Variants in HDAC9 observed in about 807,000 individuals in gnomAD.
The protein encoded by HDAC9 is MEF-2 interacting transcription repressor (MITR) protein.
HDAC9 carries 41 observed loss-of-function variants against 139.4 expected under a neutral mutation model. That is an observed-to-expected ratio of 0.29 (90% CI 0.23 to 0.38). HDAC9 has a LOEUF of 0.38. HDAC9 is among the 10% of genes least tolerant of loss of function. The pLI, the probability that HDAC9 is intolerant of heterozygous loss-of-function variation, is 1.00. For synonymous variants in HDAC9, 517 were observed against 476.2 expected (o/e 1.09, Z -1.12); for missense variants, 1,147 against 1,297.0 (o/e 0.88, Z 1.78).
At chr7:18,630,077 A>AG (rs1336282423) in intron 7 of HDAC9, among the ~76,000 whole-genome samples, 24 of 152,000 alleles carry the variant, frequency 1.6e-4, no homozygotes, top group Non-Finnish European at 1.3e-4. Context: ...TGCCTGTTTT[A>AG]GTAGAGGGGT....
chr7:18,696,720 G>A (rs143330746), intron 12 of HDAC9, among the ~76,000 whole-genome samples: 714 of 152,064 alleles, frequency 4.7e-3, no homozygotes, highest in African/African-American at 0.016. Context: ...AGCCCACCTC[G>A]GCCTCCCAAA....
Position 18,998,500 on chromosome 7 carries a change from C to T in HDAC9, c.*2438C>T, listed in dbSNP as rs978344875. The T allele has an allele frequency of 1.3e-5, 2 of 152,144 alleles. No individual in the cohort carries two copies. The highest frequency in any genetic ancestry group is 4.8e-5 in the African/African-American group (2 of 41,410). 9.4% of individuals were successfully genotyped at this position (152,144 alleles called of 1,614,324 possible). A position where few individuals can be genotyped will look rare whatever the true frequency, so the allele number is the denominator to read the frequency against. On this transcript the variant is annotated 3_prime_UTR_variant, in exon 26 of 26. Coordinates refer to ENST00000686413, the MANE Select transcript of HDAC9 (RefSeq NM_178425.4). Reference sequence around the variant, plus strand: ...CAAATGAACTGTGGAGAGGATTATCCACAGCATGTAGTTGTAAGAACAGAA... The same window carrying T: ...CAAATGAACTGTGGAGAGGATTATCTACAGCATGTAGTTGTAAGAACAGAA...
At position 18,593,978 on chromosome 7, in the gene HDAC9, A is replaced by C. The variant is rs765950614; in HGVS notation, c.613A>C (p.Thr205Pro). The C allele has an allele frequency of 6.2e-7, 1 of 1,612,860 alleles. No individual in the cohort carries two copies. The highest frequency in any genetic ancestry group is 1.1e-5 in the South Asian group (1 of 91,056). Residue 205 changes from threonine (T) to proline (P), a missense_variant, in exon 6 of 26, where the codon ACA becomes CCA. Thr to Pro is a conservative substitution (Grantham distance 38, BLOSUM62 -1). Coordinates refer to ENST00000686413, the MANE Select transcript of HDAC9 (RefSeq NM_178425.4). ...TGGAACATCTCCATCCTACAAGTAC[A>C]CATTACCAGGAGCACAAGATGCAAA... ...LSGTSPSYKY[T>P]LPGAQDAKDD...
chr7:18,330,417 T>A (rs1234776488), intron 1 of HDAC9, among the ~76,000 whole-genome samples: 1 of 151,634 alleles, frequency 6.6e-6, no homozygotes, highest in East Asian at 1.9e-4. Context: ...AGATACCTTG[T>A]CTGTAAATAG....
chr7:18,437,701 G>A (rs1791339814), intron 1 of HDAC9, among the ~76,000 whole-genome samples: 1 of 151,572 alleles, frequency 6.6e-6, no homozygotes, highest in Admixed American at 6.6e-5. Flanking sequence ...TTAACTGTTA[G>A]CATCATCACT....
At chr7:18,949,157 C>A (rs1287816489) in intron 23 of HDAC9, 13 of 268,436 alleles carry the variant, frequency 4.8e-5, no homozygotes, top group Non-Finnish European at 8.7e-5. Flanking sequence ...CTTTTTCAGT[C>A]TGGTTTGATT....
chr7:18,864,683 T>C (rs1798360338), intron 21 of HDAC9, among the ~76,000 whole-genome samples: 1 of 151,360 alleles, frequency 6.6e-6, no homozygotes, highest in South Asian at 2.1e-4. Context: ...CCCTTGAACC[T>C]CCCAAAATGC....
chr7:18,453,507 G>A, intron 1 of HDAC9, among the ~76,000 whole-genome samples: 1 of 152,178 alleles, frequency 6.6e-6, no homozygotes, highest in East Asian at 1.9e-4. Flanking sequence ...TTAAGAAAGA[G>A]GCTGAGGTTT....
chr7:18,924,172 C>T (rs79896221), intron 22 of HDAC9, among the ~76,000 whole-genome samples: 7,252 of 150,970 alleles, frequency 0.048, 242 homozygotes, highest in South Asian at 0.12. Flanking sequence ...TCCTATTGGG[C>T]TTATTAGATG....
At chr7:18,336,117 A>G (rs559584223) in intron 1 of HDAC9, among the ~76,000 whole-genome samples, 15 of 151,636 alleles carry the variant, frequency 9.9e-5, no homozygotes, top group African/African-American at 3.6e-4. Flanking sequence ...TGCTTGCTAG[A>G]TATCAGGTCT....
At chr7:18,966,811 C>T (rs1783887768) in intron 24 of HDAC9, among the ~76,000 whole-genome samples, 1 of 152,174 alleles carries the variant, frequency 6.6e-6, no homozygotes, top group African/African-American at 2.4e-5. Flanking sequence ...GCCTTCCATA[C>T]AGCATTTACA....
At chr7:18,115,292 C>CA (rs67773503) in intron 1 of HDAC9, among the ~76,000 whole-genome samples, 1,384 of 130,286 alleles carry the variant, frequency 0.011, 22 homozygotes, top group African/African-American at 0.032. Context: ...GACTCTGTCT[C>CA]AAAAAAAAAA....
At chr7:18,618,479 C>T (rs1199578763) in intron 6 of HDAC9, among the ~76,000 whole-genome samples, 1 of 151,744 alleles carries the variant, frequency 6.6e-6, no homozygotes, top group Admixed American at 6.6e-5. Context: ...AAATCCTGAC[C>T]TATAACGTTT....
chr7:18,279,091 A>T (rs1796931373), intron 2 of HDAC9, among the ~76,000 whole-genome samples: 2 of 152,228 alleles, frequency 1.3e-5, no homozygotes, highest in Admixed American at 6.5e-5. Flanking sequence ...ATAAAGTACA[A>T]CTAAATCTCT....
chr7:18,977,768 C>T (rs1411351552), intron 25 of HDAC9, among the ~76,000 whole-genome samples: 2 of 152,012 alleles, frequency 1.3e-5, no homozygotes, highest in Non-Finnish European at 2.9e-5. Flanking sequence ...ATTGATTTTT[C>T]TTGTGGGAAG....
intron 2 of HDAC9, among the ~76,000 whole-genome samples, chr7:18,280,823 A>G (rs992741269): frequency 2.0e-5 from 3 of 152,030 alleles, no homozygotes. Flanking sequence ...ACTTATTGAG[A>G]TGGTCTAATA....
At chr7:18,440,953 A>G (rs1046714062) in intron 1 of HDAC9, among the ~76,000 whole-genome samples, 1 of 152,216 alleles carries the variant, frequency 6.6e-6, no homozygotes, top group Non-Finnish European at 1.5e-5. Context: ...AGTTAATGAT[A>G]TTAACTGCTT....
At chr7:18,569,494 G>T (rs1045911287) in intron 2 of HDAC9, among the ~76,000 whole-genome samples, 1 of 152,112 alleles carries the variant, frequency 6.6e-6, no homozygotes, top group African/African-American at 2.4e-5. Flanking sequence ...GTACAAAGAG[G>T]TATGGCTTCA....
chr7:18,299,597 A>G (rs1048837833), intron 1 of HDAC9, among the ~76,000 whole-genome samples: 1 of 151,312 alleles, frequency 6.6e-6, no homozygotes, highest in African/African-American at 2.4e-5. Context: ...ACAGTCAGGA[A>G]AAAAAGGTTT....
Sources: gnomAD v4.1 joint callset for allele counts (sites outside exome capture counted in the v4.1 genomes callset) on GRCh38, gnomAD v4.1.1 for gene constraint, MANE v1.5 for transcripts, NCBI Gene and HGNC (gene_info 2026-07-23, HGNC 2026-07-21) for gene names.